ABCG8: variants seen among roughly 807,000 people sequenced by gnomAD.
ABCG8 encodes the protein ATP binding cassette subfamily G member 8.
In ABCG8, 81 loss-of-function variants were observed where a neutral mutation model predicts 71.3. That is an observed-to-expected ratio of 1.14 (90% CI 0.95 to 1.37). The LOEUF (loss-of-function observed/expected upper bound fraction) is 1.37, where lower values mean the gene tolerates loss of function less well. ABCG8 is among the 40% of genes most tolerant of loss of function. The pLI, the probability that ABCG8 is intolerant of heterozygous loss-of-function variation, is 0.00. For synonymous variants in ABCG8, 451 were observed against 354.7 expected, an observed-to-expected ratio of 1.27 and a Z score of -3.05; for missense variants, 1,119 against 866.2, an observed-to-expected ratio of 1.29 and a Z score of -3.66.
intron 6 of ABCG8, among the ~76,000 whole-genome samples, chr2:43,869,829 C>A (rs1355533825): frequency 6.6e-6 from 1 of 151,648 alleles, no homozygotes; most frequent in South Asian, 2.1e-4. Context: ...CTGGCTAGAA[C>A]CCTCACTATC....
intron 4 of ABCG8, 151 bp downstream of exon 4, chr2:43,851,973 C>T (rs1444639443): frequency 1.4e-5 from 12 of 881,864 alleles, no homozygotes; most frequent in African/African-American, 1.2e-4. Flanking sequence ...CTGCAGCCCA[C>T]CCTCCACCCT....
chr2:43,860,499 C>T (rs948447966), intron 6 of ABCG8, among the ~76,000 whole-genome samples: 4 of 151,548 alleles, frequency 2.6e-5, no homozygotes, highest in African/African-American at 9.6e-5. Flanking sequence ...CTCTCACCCT[C>T]TAGATAGAAC....
At position 43,877,995 on chromosome 2, in the gene ABCG8, G is replaced by T. The variant is rs1572871878; in HGVS notation, c.*82G>T. 1.3e-6 allele frequency: 2 copies of T among 1,595,154 alleles called. No homozygotes were observed. The highest frequency in any genetic ancestry group is 2.0e-4 in the Middle Eastern group (1 of 5,052). ...TCCCTCCTCAGGAGCCCCTTCCTGGGGACAGTGAGGACAATGACCCTACAG... is the reference window on the plus strand; with the variant it reads ...TCCCTCCTCAGGAGCCCCTTCCTGGTGACAGTGAGGACAATGACCCTACAG... On this transcript the variant is annotated 3_prime_UTR_variant, in exon 13 of 13. Transcript: ENST00000272286.
At chr2:43,842,897 G>A (rs1244248938) in intron 1 of ABCG8, among the ~76,000 whole-genome samples, 2 of 151,986 alleles carry the variant, frequency 1.3e-5, no homozygotes, top group African/African-American at 2.4e-5. Context: ...CCCACAGCAC[G>A]CCTGCGGCAT....
At chr2:43,860,258 C>T (rs1397471525) in intron 6 of ABCG8, among the ~76,000 whole-genome samples, 1 of 151,028 alleles carries the variant, frequency 6.6e-6, no homozygotes, top group Non-Finnish European at 1.5e-5. Flanking sequence ...CTGGATAGAA[C>T]TCTCACTATC....
chr2:43,874,352 G>A (rs903691987), intron 9 of ABCG8, 55 bp from the exon 10 acceptor site: 1 of 1,327,990 alleles, frequency 7.5e-7, no homozygotes, highest in Non-Finnish European at 1.1e-6. Context: ...CAAAACAGAA[G>A]CACTGTAGAT....
In ABCG8 at chr2:43,872,283, G is replaced by A. The variant is rs1669808055; in HGVS notation, c.1188G>A (p.Val396=). 6.2e-7 allele frequency: 1 copy of A among 1,613,970 alleles called. No individual in the cohort carries two copies. The highest frequency in any genetic ancestry group is 1.1e-5 in the South Asian group (1 of 91,072). ...GTCCTACGAAGATGCCTGGGGCGGT[G>A]CAGCAGTTTACGACGCTGATCCGGT... ...LPSPTKMPGA[V]QQFTTLIRRQ... Residue 396 remains valine, a synonymous_variant, in exon 8 of 13, where the codon GTG becomes GTA. Coordinates refer to ENST00000272286, the MANE Select transcript of ABCG8 (RefSeq NM_022437.3).
chr2:43,876,486 T>C (rs1669962565), intron 11 of ABCG8, among the ~76,000 whole-genome samples: 1 of 150,972 alleles, frequency 6.6e-6, no homozygotes, highest in African/African-American at 2.4e-5. Context: ...GGGGAGACCA[T>C]GAGAATAGGA....
At chr2:43,862,311 ACTAT>A (rs1192295879) in intron 6 of ABCG8, among the ~76,000 whole-genome samples, 1 of 147,920 alleles carries the variant, frequency 6.8e-6, no homozygotes, top group Non-Finnish European at 1.5e-5. Flanking sequence ...TAGAACTCTC[ACTAT>A]CTATCTGGAT....
chr2:43,841,277 G>A (rs1002674761), intron 1 of ABCG8, among the ~76,000 whole-genome samples: 3 of 152,196 alleles, frequency 2.0e-5, no homozygotes, highest in African/African-American at 4.8e-5. Flanking sequence ...TTGATCAGAA[G>A]TTAATACGAG....
At chr2:43,863,701 T>C (rs1219271448) in intron 6 of ABCG8, among the ~76,000 whole-genome samples, 1 of 151,376 alleles carries the variant, frequency 6.6e-6, no homozygotes, top group East Asian at 1.9e-4. Flanking sequence ...TCACTATCTG[T>C]CTGGATAGAA....
At position 43,846,324 on chromosome 2, in the gene ABCG8, C is replaced by A. The variant is rs202139543; in HGVS notation, c.322+13C>A. Reference sequence around the variant, plus strand: ...ATAGGGAGCTCAGGTACCGGAAAGGCAAATCGCTGGGCAATGGTTTCTCTC... The same window carrying A: ...ATAGGGAGCTCAGGTACCGGAAAGGAAAATCGCTGGGCAATGGTTTCTCTC... On this transcript the variant is annotated intron_variant, in intron 3 of 12. Transcript: ENST00000272286. 1.2e-5 allele frequency: 19 copies of A among 1,613,964 alleles called. No homozygotes were observed. Among genetic ancestry groups the A allele is most frequent in the Non-Finnish European group, 1.4e-5 (16 of 1,180,004 alleles).
Position 43,844,546 on chromosome 2 carries a change from A to G in ABCG8, c.103A>G (p.Ser35Gly), listed in dbSNP as rs1462924756. Residue 35 changes from serine (S) to glycine (G), a missense_variant, in exon 2 of 13, where the codon AGC becomes GGC. Ser to Gly is a moderately conservative substitution (Grantham distance 56, BLOSUM62 0). Transcript: ENST00000272286. ...ATTGTTCTCCTCTGAAAGTGACAAC[A>G]GCCTGTACTTCACCTACAGTGGCCA... ...DRLFSSESDNSLYFTYSGQPN... is the reference protein window; with the variant it reads ...DRLFSSESDNGLYFTYSGQPN... 1 of 1,614,220 alleles carries G rather than the reference A, an allele frequency of 6.2e-7. No homozygotes were observed. Among genetic ancestry groups the G allele is most frequent in the African/African-American group, 1.3e-5 (1 of 75,068 alleles).
chr2:43,848,639 TC>T (rs1313794168), intron 3 of ABCG8: 1 of 152,100 alleles, frequency 6.6e-6, no homozygotes, highest in African/African-American at 2.4e-5. Flanking sequence ...CAACTACACT[TC>T]CTGTGACTTT....
chr2:43,865,770 A>C (rs796295612), intron 6 of ABCG8, among the ~76,000 whole-genome samples: 3 of 135,982 alleles, frequency 2.2e-5, no homozygotes, highest in Non-Finnish European at 4.9e-5. Flanking sequence ...TCTCACTATC[A>C]GTCTGGATAG....
chr2:43,852,675 G>C lies in ABCG8; in HGVS notation c.771G>C (p.Arg257Ser), dbSNP rs1228845759. ...ACAACCTGGTGAAGACCTTGTCCAG[G>C]CTGGCCAAAGGCAACCGGCTGGTGC... The part of the protein sequence containing the change: ...TAHNLVKTLS[R>S]LAKGNRLVLI... The change falls in exon 6 of 13, where the codon AGG (arginine) becomes AGC (serine). Residue 257 changes from arginine to serine, a missense_variant. By Grantham distance (110) the Arg-to-Ser change is moderately radical. Coordinates refer to ENST00000272286, the MANE Select transcript of ABCG8 (RefSeq NM_022437.3). 2 of 1,614,168 alleles carry C rather than the reference G, an allele frequency of 1.2e-6. No homozygotes were observed. Among genetic ancestry groups the C allele is most frequent in the Non-Finnish European group, 8.5e-7 (1 of 1,180,034 alleles).
At chr2:43,852,154 C>T (rs1033160661) in intron 4 of ABCG8, among the ~76,000 whole-genome samples, 200 bp from the exon 5 acceptor site, 9 of 152,258 alleles carry the variant, frequency 5.9e-5, no homozygotes, top group African/African-American at 2.2e-4. Context: ...GGGCACCATG[C>T]CCAGCACGTC....
chr2:43,876,442 G>T (rs1371980062), intron 11 of ABCG8, among the ~76,000 whole-genome samples: 1 of 152,074 alleles, frequency 6.6e-6, no homozygotes, highest in Non-Finnish European at 1.5e-5. Context: ...ATACGGGGGA[G>T]ACTGTGTCGA....
At position 43,858,812 on chromosome 2, in the gene ABCG8, A is replaced by G. The variant is rs566936601; in HGVS notation, c.964+5944A>G. ...TTTCAATAGAATTCTCACCCTCTGG[A>G]TAGAACTCTCACTATCTATCTGGAT... On this transcript the variant is annotated intron_variant, in intron 6 of 12. Coordinates refer to ENST00000272286, the MANE Select transcript of ABCG8 (RefSeq NM_022437.3). Among the ~76,000 whole-genome samples the G allele has an allele frequency of 2.0e-5, 3 of 151,426 alleles. No individual in the cohort carries two copies. The South Asian group carries it at 6.3e-4, about 32-fold the overall frequency.
Sources: allele counts gnomAD v4.1 joint callset (sites outside exome capture counted in the v4.1 genomes callset), GRCh38; gene constraint gnomAD v4.1.1; transcripts MANE v1.5; gene names NCBI Gene and HGNC (gene_info 2026-07-23, HGNC 2026-07-21).